GRK5: variants seen among roughly 807,000 people sequenced by gnomAD.
GRK5 encodes the protein G protein-coupled receptor kinase 5, also known as g protein-coupled receptor kinase GRK5.
Under a neutral mutation model 78.4 loss-of-function variants are expected in GRK5, and 40 were observed. That is an observed-to-expected ratio of 0.51 (90% confidence interval 0.40 to 0.66). GRK5 has a LOEUF of 0.66. Among genes scored for constraint, GRK5 ranks in the 30% least tolerant of loss-of-function variants. The probability of loss-of-function intolerance (pLI) is 0.00; values close to 1 mark genes in which losing one functional copy is unlikely to be tolerated. For missense variants in GRK5, 598 were observed against 759.9 expected, an observed-to-expected ratio of 0.79 and a Z score of 2.50; for synonymous variants, 289 against 296.8, an observed-to-expected ratio of 0.97 and a Z score of 0.27.
chr10:119,431,532 G>A lies in GRK5; in HGVS notation c.738+5G>A. ...AAGGTCAACAGTCAGTTTGTGGTGA[G>A]TGAGCATCTGGGCCCAGTGACCGGC... is the stretch of plus-strand genomic sequence containing the variant. On this transcript the variant is annotated splice_donor_5th_base_variant and intron_variant, in intron 8 of 15. Coordinates refer to ENST00000392870, the MANE Select transcript of GRK5 (RefSeq NM_005308.3). The surrounding 1 kb of genome is among the most constrained non-coding windows in gnomAD (Gnocchi z 4.8). 1 of 1,611,848 alleles carries A rather than the reference G, an allele frequency of 6.2e-7. No homozygotes were observed. Among genetic ancestry groups the A allele is most frequent in the Non-Finnish European group, 8.5e-7 (1 of 1,178,896 alleles).
At chr10:119,417,282 C>T (rs1042793082) in intron 4 of GRK5, among the ~76,000 whole-genome samples, 6 of 152,190 alleles carry the variant, frequency 3.9e-5, no homozygotes, top group African/African-American at 1.4e-4. Context: ...CATGCCCAGG[C>T]CTGGCCCCTG....
chr10:119,399,649 CAGCATGTG>C (rs1385015591), intron 4 of GRK5, among the ~76,000 whole-genome samples: 12 of 152,236 alleles, frequency 7.9e-5, no homozygotes, highest in African/African-American at 2.9e-4. Flanking sequence ...TAGATTCACT[CAGCATGTG>C]AGCATATTCA....
chr10:119,306,763 A>G (rs2133730750), intron 1 of GRK5, among the ~76,000 whole-genome samples: 1 of 152,154 alleles, frequency 6.6e-6, no homozygotes, highest in Admixed American at 6.5e-5. Context: ...TCCTGCAGAC[A>G]TTCTGCTGGG....
intron 2 of GRK5, among the ~76,000 whole-genome samples, chr10:119,366,006 C>G (rs1489970331): frequency 6.6e-6 from 1 of 152,182 alleles, no homozygotes; most frequent in Non-Finnish European, 1.5e-5. Context: ...ATGCTGGGTG[C>G]CAACATGTGC....
At chr10:119,414,250 C>T (rs973874542) in intron 4 of GRK5, among the ~76,000 whole-genome samples, 5 of 152,248 alleles carry the variant, frequency 3.3e-5, no homozygotes, top group African/African-American at 4.8e-5. Flanking sequence ...GTGCTTGCGT[C>T]TGGAGATAGA....
At chr10:119,423,754 G>C (rs866528067) in intron 5 of GRK5, among the ~76,000 whole-genome samples, 1 of 152,080 alleles carries the variant, frequency 6.6e-6, no homozygotes, top group South Asian at 2.1e-4. Flanking sequence ...CACTCTGAAG[G>C]CATGAGCACT....
chr10:119,393,480 G>A (rs1161348810), intron 3 of GRK5, among the ~76,000 whole-genome samples: 1 of 152,260 alleles, frequency 6.6e-6, no homozygotes, highest in Non-Finnish European at 1.5e-5. Flanking sequence ...CACCTTCACA[G>A]ATGTATTTTC....
intron 1 of GRK5, among the ~76,000 whole-genome samples, chr10:119,289,094 G>C (rs1388288176): frequency 6.6e-6 from 1 of 152,130 alleles, no homozygotes; most frequent in Admixed American, 6.5e-5. Flanking sequence ...TGGTAAAAGG[G>C]AGCAGATTTT....
At chr10:119,384,759 C>A (rs1384306267) in intron 3 of GRK5, among the ~76,000 whole-genome samples, 4 of 152,198 alleles carry the variant, frequency 2.6e-5, no homozygotes. Context: ...ATGTGAGGGG[C>A]AGAGGTAGGC....
chr10:119,258,874 G>A (rs1849327300), intron 1 of GRK5, among the ~76,000 whole-genome samples: 1 of 152,066 alleles, frequency 6.6e-6, no homozygotes, highest in Admixed American at 6.6e-5. Flanking sequence ...GGGCTCCTGC[G>A]GGAGTCTTGT....
At chr10:119,370,846 CT>C (rs1276394085) in intron 2 of GRK5, among the ~76,000 whole-genome samples, 1 of 152,126 alleles carries the variant, frequency 6.6e-6, no homozygotes, top group Non-Finnish European at 1.5e-5. Context: ...CAGGGACCCC[CT>C]TCTCTGCCAC....
chr10:119,436,804 G>A lies in GRK5; in HGVS notation c.892G>A (p.Gly298Ser), dbSNP rs140946236. 4.8e-5 allele frequency: 78 copies of A among 1,612,602 alleles called. No homozygotes were observed. The highest frequency in any genetic ancestry group is 2.2e-4 in the East Asian group (10 of 44,842). The change falls in exon 9 of 16, where the codon GGC (glycine) becomes AGC (serine). Residue 298 changes from glycine to serine, a missense_variant. Gly to Ser is a moderately conservative substitution (Grantham distance 56). Transcript: ENST00000392870. ...GTTTTATGCGGCAGAGATCCTCTGC[G>A]GCTTAGAAGACCTCCACCGTGAGAA... ...ALFYAAEILC[G>S]LEDLHRENTV...
rs550594674 is a variant in GRK5, at chr10:119,388,451, C to A, written c.261+7524C>A. Among the ~76,000 whole-genome samples, 4 of 152,334 alleles carry A rather than the reference C, an allele frequency of 2.6e-5. No homozygotes were observed. In the East Asian group the frequency reaches 5.8e-4, roughly 22 times the overall value. ...TCCTGGGTTCAAGTGATTCTCGTGC[C>A]TCAGCCATCCTAGTAGCTGGGATTA... On this transcript the variant is annotated intron_variant, in intron 3 of 15. Transcript: ENST00000392870.
chr10:119,378,296 C>T lies in GRK5; in HGVS notation c.149-2519C>T, dbSNP rs1851656077. On this transcript the variant is annotated intron_variant, in intron 2 of 15. Transcript: ENST00000392870. This position sits in a 1 kb window ranked among gnomAD's most constrained non-coding sequence, Gnocchi z 4.5. The stretch of plus-strand genomic sequence containing the variant: ...TCTGTGCTGGGAGCGGTGGAGACTG[C>T]GCCCACGGCTGAAGGGCAGAGTTTA... 6.6e-6 allele frequency among the ~76,000 whole-genome samples: 1 copy of T among 152,172 alleles called. No individual in the cohort carries two copies. The highest frequency in any genetic ancestry group is 1.5e-5 in the Non-Finnish European group (1 of 68,030).
At chr10:119,382,656 A>T (rs1851731908) in intron 3 of GRK5, among the ~76,000 whole-genome samples, 1 of 152,204 alleles carries the variant, frequency 6.6e-6, no homozygotes, top group African/African-American at 2.4e-5. Context: ...AAATAGTACT[A>T]TCACAGCTTA....
chr10:119,396,033 CA>C (rs1297442066), intron 3 of GRK5, among the ~76,000 whole-genome samples: 1 of 152,180 alleles, frequency 6.6e-6, no homozygotes, highest in African/African-American at 2.4e-5. Context: ...TGGAAAAGAC[CA>C]GGCATCCACA....
intron 1 of GRK5, among the ~76,000 whole-genome samples, chr10:119,323,886 A>T (rs1211960167): frequency 6.6e-5 from 10 of 151,856 alleles, no homozygotes; most frequent in Non-Finnish European, 1.5e-4. Flanking sequence ...CCATTATATC[A>T]TTCTTGTGCC....
At chr10:119,394,869 G>T (rs996468576) in intron 3 of GRK5, among the ~76,000 whole-genome samples, 3 of 151,190 alleles carry the variant, frequency 2.0e-5, no homozygotes, top group African/African-American at 7.3e-5. Context: ...GTGCACTCAG[G>T]TTTAGGAGAG....
chr10:119,268,203 T>C (rs528718196), intron 1 of GRK5, among the ~76,000 whole-genome samples: 37 of 152,362 alleles, frequency 2.4e-4, no homozygotes, highest in Non-Finnish European at 4.7e-4. Context: ...AAGCAGCAGA[T>C]GGGAAAATGG....
Sources: allele counts gnomAD v4.1 joint callset (sites outside exome capture counted in the v4.1 genomes callset), GRCh38; gene constraint gnomAD v4.1.1; non-coding constraint Gnocchi (gnomAD v3.1); transcripts MANE v1.5; gene names NCBI Gene and HGNC (gene_info 2026-07-23, HGNC 2026-07-21).